Variants in VWA8 observed in about 807,000 individuals in gnomAD.
The protein encoded by VWA8 is von Willebrand factor A domain-containing protein 8.
In VWA8, 221 loss-of-function variants were observed where a neutral mutation model predicts 241.5. The observed-to-expected ratio is 0.91, with a 90% CI of 0.82 to 1.02. The LOEUF is 1.02. Among genes scored for constraint, VWA8 ranks in the 50% least tolerant of loss-of-function variants. The probability of loss-of-function intolerance (pLI) is 0.00; values close to 1 mark genes in which losing one functional copy is unlikely to be tolerated. For missense variants in VWA8, 2,322 were observed against 2,328.7 expected (o/e 1.00, Z 0.06); for synonymous variants, 852 against 827.1 (o/e 1.03, Z -0.52).
At position 41,819,296 on chromosome 13, in the gene VWA8, T is replaced by C. The variant is rs781745333; in HGVS notation, c.1791A>G (p.Pro597=). 6.2e-7 allele frequency: 1 copy of C among 1,613,580 alleles called. No individual in the cohort carries two copies. Among genetic ancestry groups the C allele is most frequent in the Non-Finnish European group, 8.5e-7 (1 of 1,179,890 alleles). ...GGAAAAAGAACATGGTTAAGAATTCTGGTCCCAGCCACTGGTGTGCTGTGC... is the reference window on the plus strand; with the variant it reads ...GGAAAAAGAACATGGTTAAGAATTCCGGTCCCAGCCACTGGTGTGCTGTGC... ...IGSTAHQWLG[P]EFLTMFFFHY... is the part of the protein sequence containing the mutation. The change falls in exon 15 of 45, where the codon CCA becomes CCG. Residue 597 remains proline (P), a synonymous_variant. Transcript: ENST00000379310.
At chr13:41,853,743 A>C (rs1872617732) in intron 12 of VWA8, among the ~76,000 whole-genome samples, 1 of 152,044 alleles carries the variant, frequency 6.6e-6, no homozygotes, top group Admixed American at 6.6e-5. Context: ...TTGTCTCTTC[A>C]CTTATTCATC....
intron 37 of VWA8, among the ~76,000 whole-genome samples, chr13:41,639,580 C>G (rs996725358): frequency 6.6e-6 from 1 of 152,152 alleles, no homozygotes; most frequent in Non-Finnish European, 1.5e-5. Context: ...TCAAGAAATG[C>G]TACCTTTGAA....
At chr13:41,675,443 T>G (rs2045054109) in intron 35 of VWA8, 147 bp from the exon 36 acceptor site, 1 of 498,348 alleles carries the variant, frequency 2.0e-6, no homozygotes, top group South Asian at 3.6e-5. Flanking sequence ...ATGGCTAGAC[T>G]CTGAGAAATA....
chr13:41,696,623 T>C (rs1048112112), intron 29 of VWA8, among the ~76,000 whole-genome samples: 26 of 152,184 alleles, frequency 1.7e-4, no homozygotes, highest in Non-Finnish European at 1.5e-5. Flanking sequence ...AGTCCTCTCA[T>C]ATGTAAATGT....
At chr13:41,789,801 A>C (rs559958839) in intron 17 of VWA8, among the ~76,000 whole-genome samples, 4 of 152,180 alleles carry the variant, frequency 2.6e-5, no homozygotes, top group Non-Finnish European at 4.4e-5. Flanking sequence ...TTCTATTCAG[A>C]ATGTAATTGA....
intron 40 of VWA8, 51 bp downstream of exon 40, chr13:41,605,117 T>C (rs1382455345): frequency 4.5e-6 from 7 of 1,557,168 alleles, no homozygotes; most frequent in Middle Eastern, 1.7e-4. Context: ...TTTAGGAATG[T>C]GTCCAGGTTT....
intron 37 of VWA8, among the ~76,000 whole-genome samples, chr13:41,658,454 G>T (rs576241173): frequency 6.6e-6 from 1 of 152,270 alleles, no homozygotes; most frequent in South Asian, 2.1e-4. Flanking sequence ...TCTCTCACTA[G>T]CTTGAAGCTC....
At chr13:41,924,648 G>C (rs1876741998) in intron 2 of VWA8, among the ~76,000 whole-genome samples, 1 of 151,978 alleles carries the variant, frequency 6.6e-6, no homozygotes, top group Non-Finnish European at 1.5e-5. Context: ...CTAGGCCCGG[G>C]GTCTTACAAA....
chr13:41,596,632 G>A (rs972386911), intron 40 of VWA8, among the ~76,000 whole-genome samples: 7 of 151,916 alleles, frequency 4.6e-5, no homozygotes, highest in African/African-American at 1.7e-4. Flanking sequence ...TATAAAGTGA[G>A]GTTGCATTAG....
intron 32 of VWA8, 99 bp downstream of exon 32, chr13:41,691,221 G>A: frequency 7.1e-7 from 1 of 1,400,804 alleles, no homozygotes; most frequent in Non-Finnish European, 9.5e-7. Context: ...ATTGTTAAAG[G>A]ACAGACACAG....
chr13:41,772,567 T>C (rs1355524452), intron 20 of VWA8, among the ~76,000 whole-genome samples: 12 of 152,182 alleles, frequency 7.9e-5, no homozygotes, highest in Admixed American at 7.2e-4. Context: ...GGTTCTATAA[T>C]ATTCAGCATT....
intron 21 of VWA8, among the ~76,000 whole-genome samples, chr13:41,736,029 T>C (rs1430808690): frequency 6.6e-6 from 1 of 152,150 alleles, no homozygotes; most frequent in East Asian, 1.9e-4. Context: ...AAAAACACCT[T>C]TGAAATGTAA....
At chr13:41,662,733 C>T (rs2139696044) in intron 37 of VWA8, among the ~76,000 whole-genome samples, 1 of 151,888 alleles carries the variant, frequency 6.6e-6, no homozygotes, top group Middle Eastern at 3.4e-3. Flanking sequence ...TACATGTGCA[C>T]AACGTGCAGG....
At chr13:41,795,802 G>A (rs964266252) in intron 17 of VWA8, among the ~76,000 whole-genome samples, 5 of 152,030 alleles carry the variant, frequency 3.3e-5, no homozygotes, top group African/African-American at 4.8e-5. Context: ...TGAGGTGGGC[G>A]GGTAGGGGGA....
intron 26 of VWA8, among the ~76,000 whole-genome samples, chr13:41,714,394 GA>G (rs752545039): frequency 4.6e-5 from 7 of 151,920 alleles, no homozygotes; most frequent in Non-Finnish European, 1.0e-4. Context: ...GGAGCAGAGA[GA>G]ATGAACATTT....
rs1378538394 is a variant in VWA8, at chr13:41,876,275, T to A, written c.1080+7112A>T. Reference sequence around the variant, plus strand: ...CAACACATTCCTCAAAACCCTCTAATGGTGTTCCACCTCACACAGACTGAA... The same window carrying A: ...CAACACATTCCTCAAAACCCTCTAAAGGTGTTCCACCTCACACAGACTGAA... On this transcript the variant is annotated intron_variant, in intron 9 of 44. Transcript: ENST00000379310. 2.0e-5 allele frequency among the ~76,000 whole-genome samples: 3 copies of A among 152,220 alleles called. No homozygotes were observed. In the East Asian group the frequency reaches 5.8e-4, roughly 29 times the overall value.
chr13:41,570,778 T>G, intron 43 of VWA8, 72 bp from the exon 44 acceptor site: 1 of 1,379,386 alleles, frequency 7.2e-7, no homozygotes. Context: ...ATTATTTTTC[T>G]ATTGACCATG....
At chr13:41,709,600 A>G (rs1473997095) in intron 26 of VWA8, among the ~76,000 whole-genome samples, 1 of 152,094 alleles carries the variant, frequency 6.6e-6, no homozygotes, top group Admixed American at 6.6e-5. Flanking sequence ...ATTTTCTTAA[A>G]ATGTCTCCAG....
intron 22 of VWA8, among the ~76,000 whole-genome samples, chr13:41,730,275 C>T (rs2045472096): frequency 1.3e-5 from 2 of 152,092 alleles, no homozygotes; most frequent in South Asian, 4.1e-4. Flanking sequence ...AGAAAAGTGA[C>T]TGGAAGGGTA....
Sources: allele counts gnomAD v4.1 joint callset (sites outside exome capture counted in the v4.1 genomes callset), GRCh38; gene constraint gnomAD v4.1.1; transcripts MANE v1.5; gene names NCBI Gene and HGNC (gene_info 2026-07-23, HGNC 2026-07-21).